Variants in PCLO observed in about 807,000 individuals in gnomAD.
PCLO encodes piccolo presynaptic cytomatrix protein, also known as protein piccolo.
A neutral mutation model predicts 427.5 loss-of-function variants in PCLO; 82 were observed. The observed-to-expected ratio is 0.19, with a 90% CI of 0.16 to 0.23. The LOEUF (loss-of-function observed/expected upper bound fraction) is 0.23, where lower values mean the gene tolerates loss of function less well. PCLO is among the 10% of genes least tolerant of loss of function. PCLO has a pLI of 1.00. For synonymous variants in PCLO, 2,357 were observed against 2,155.4 expected (o/e 1.09, Z -2.59); for missense variants, 6,239 against 6,115.9 (o/e 1.02, Z -0.67).
intron 20 of PCLO, among the ~76,000 whole-genome samples, chr7:82,809,002 T>C (rs1791512850): frequency 6.6e-6 from 1 of 151,976 alleles, no homozygotes; most frequent in Admixed American, 6.6e-5. Flanking sequence ...CGTATTTTAA[T>C]ATATCTTTTC....
rs535025258 is a variant in PCLO at position 82,955,330 on chromosome 7, C to T, written c.5623G>A (p.Glu1875Lys). 1.7e-4 allele frequency: 275 copies of T among 1,613,372 alleles called. 4 individuals carry two copies. In the South Asian group the frequency reaches 2.9e-3, roughly 17 times the overall value. ...SDPEGFEISPEKIIEVQKVYK... is the reference protein window; with the variant it reads ...SDPEGFEISPKKIIEVQKVYK... The stretch of plus-strand genomic sequence containing the variant: ...ACTTTTTGTACTTCTATTATTTTTT[C>T]CGGGCTTATTTCAAAACCTTCTGGG... Residue 1875 changes from glutamate (E) to lysine (K), a missense_variant, in exon 5 of 25, where the codon GAA becomes AAA. Physicochemically the swap from Glu to Lys is moderately conservative, Grantham distance 56. Around this residue, in one of 5 missense-constraint regions of PCLO, gnomAD observed 4,677 missense variants for 4,468.4 expected, o/e 1.05. Coordinates refer to ENST00000333891, the MANE Select transcript of PCLO (RefSeq NM_033026.6).
chr7:82,938,563 G>C (rs1277631279), intron 6 of PCLO, among the ~76,000 whole-genome samples: 1 of 151,772 alleles, frequency 6.6e-6, no homozygotes, highest in South Asian at 2.1e-4. Context: ...CTCTTAGCTA[G>C]GTTGAAAAAA....
chr7:82,902,912 A>G (rs1035927510), intron 8 of PCLO, among the ~76,000 whole-genome samples, 171 bp from the exon 9 acceptor site: 11 of 152,058 alleles, frequency 7.2e-5, no homozygotes, highest in African/African-American at 2.4e-4. Context: ...ATATAATGAT[A>G]TTACTGGTTC....
At chr7:82,831,345 T>C (rs1193845604) in intron 16 of PCLO, among the ~76,000 whole-genome samples, 1 of 152,142 alleles carries the variant, frequency 6.6e-6, no homozygotes, top group Non-Finnish European at 1.5e-5. Flanking sequence ...GTGACATCCA[T>C]CTATTTTCTT....
intron 3 of PCLO, among the ~76,000 whole-genome samples, chr7:83,054,621 G>A (rs554659578): frequency 6.6e-6 from 1 of 152,114 alleles, no homozygotes; most frequent in Non-Finnish European, 1.5e-5. Context: ...TTGAGTGGCT[G>A]AACAACAATC....
intron 20 of PCLO, chr7:82,821,977 T>G: frequency 1.0e-6 from 1 of 986,136 alleles, no homozygotes; most frequent in Non-Finnish European, 1.2e-6. Context: ...TGAAATGGCT[T>G]TTCCTCCAAG....
At position 82,914,773 on chromosome 7, in the gene PCLO, T is replaced by A. The variant is rs369948057; in HGVS notation, c.13213A>T (p.Met4405Leu). The A allele has an allele frequency of 6.2e-7, 1 of 1,613,426 alleles. No individual in the cohort carries two copies. The highest frequency in any genetic ancestry group is 8.5e-7 in the Non-Finnish European group (1 of 1,179,690). ...SHSLPEVQQH[M>L]REESRTRGYD... ...CCTCGAGTCCGTGATTCTTCCCTCA[T>A]GTGTTGCTGAACTTCAGGCAATGAG... Residue 4405 changes from methionine (M) to leucine (L), a missense_variant, in exon 7 of 25, where the codon ATG (methionine) becomes TTG (leucine). Around this residue, in one of 5 missense-constraint regions of PCLO, gnomAD observed 877 missense variants for 925.5 expected, o/e 0.95. Coordinates refer to ENST00000333891, the MANE Select transcript of PCLO (RefSeq NM_033026.6).
intron 14 of PCLO, among the ~76,000 whole-genome samples, chr7:82,838,977 T>A (rs556342877): frequency 6.6e-6 from 1 of 152,222 alleles, no homozygotes; most frequent in Non-Finnish European, 1.5e-5. Flanking sequence ...GAGACATTGC[T>A]TTATAGATGC....
chr7:82,907,338 C>T (rs1358996094), intron 8 of PCLO, among the ~76,000 whole-genome samples: 2 of 151,866 alleles, frequency 1.3e-5, no homozygotes, highest in African/African-American at 4.8e-5. Context: ...GTGGGAAACA[C>T]TAAACTTCAG....
intron 20 of PCLO, 81 bp from the exon 21 acceptor site, chr7:82,805,910 C>T: frequency 7.4e-7 from 1 of 1,354,842 alleles, no homozygotes; most frequent in Non-Finnish European, 1.0e-6. Flanking sequence ...TATACATCTT[C>T]TTAATTTACA....
intron 3 of PCLO, among the ~76,000 whole-genome samples, chr7:82,993,147 A>G (rs957621571): frequency 1.2e-4 from 18 of 151,996 alleles, no homozygotes; most frequent in African/African-American, 4.3e-4. Flanking sequence ...TTGTACCTTT[A>G]TAATTCTATA....
Position 82,955,025 on chromosome 7 carries a change from C to T in PCLO, c.5928G>A (p.Arg1976=). The T allele has an allele frequency of 6.2e-7, 1 of 1,613,766 alleles. No homozygotes were observed. Among genetic ancestry groups the T allele is most frequent in the Non-Finnish European group, 8.5e-7 (1 of 1,179,854 alleles). Residue 1976 remains arginine, a synonymous_variant, in exon 5 of 25, where the codon AGG becomes AGA. Coordinates refer to ENST00000333891, the MANE Select transcript of PCLO (RefSeq NM_033026.6). ...GCATAAATCCATTTTCTTCTTCTTG[C>T]CTTGTTAGCAGACTGCCATCTACCG... The part of the protein sequence containing the change: ...NGSVDGSLLT[R]QEEENGFMQQ...
Position 82,902,187 on chromosome 7 carries a change from CAAT to C in PCLO, c.13528+461_13528+463del, listed in dbSNP as rs1287091650. On this transcript the variant is annotated intron_variant, in intron 9 of 24. Coordinates refer to ENST00000333891, the MANE Select transcript of PCLO (RefSeq NM_033026.6). ...ACTTGGAACCAAGCCAAATGTCCAA[CAAT>C]GATAGACTGGATTAAGAAAATGTGG... Among the ~76,000 whole-genome samples the C allele has an allele frequency of 2.5e-4, 38 of 151,798 alleles. 1 individual carries two copies. Among genetic ancestry groups the C allele is most frequent in the African/African-American group, 8.5e-4 (35 of 41,300 alleles).
intron 1 of PCLO, among the ~76,000 whole-genome samples, chr7:83,159,687 A>G (rs2116704850): frequency 6.6e-6 from 1 of 152,222 alleles, no homozygotes; most frequent in East Asian, 1.9e-4. Context: ...CATCTGAGAT[A>G]ATAAAATTTT....
intron 3 of PCLO, among the ~76,000 whole-genome samples, chr7:83,002,233 TTCCA>T (rs1286906769): frequency 6.6e-6 from 1 of 151,974 alleles, no homozygotes; most frequent in Non-Finnish European, 1.5e-5. Context: ...CATTTATATT[TTCCA>T]TCCTTCTCTC....
intron 3 of PCLO, among the ~76,000 whole-genome samples, chr7:82,968,247 C>T (rs1028165337): frequency 6.6e-6 from 1 of 152,116 alleles, no homozygotes; most frequent in African/African-American, 2.4e-5. Flanking sequence ...TATATAATCA[C>T]TCAATATCAA....
intron 2 of PCLO, among the ~76,000 whole-genome samples, chr7:83,140,595 T>A (rs899046858): frequency 6.6e-6 from 1 of 152,170 alleles, no homozygotes; most frequent in Non-Finnish European, 1.5e-5. Flanking sequence ...TTAAACAAAT[T>A]AATTTAAAAT....
At position 82,951,016 on chromosome 7, in the gene PCLO, A is replaced by C. The variant is rs1163506149; in HGVS notation, c.9572T>G (p.Phe3191Cys). ...ACTTTCATCTCCCACCACTTCAGGAAACACTTCGGATGCTGTGGTTAAAGT... is the reference window on the plus strand; with the variant it reads ...ACTTTCATCTCCCACCACTTCAGGACACACTTCGGATGCTGTGGTTAAAGT... ...VPTLTTASEV[F>C]PEVVGDESAL... is the part of the protein sequence containing the mutation. The change falls in exon 6 of 25, where the codon TTT becomes TGT. Residue 3191 changes from phenylalanine (F) to cysteine (C), a missense_variant. Phe to Cys is a radical substitution (Grantham distance 205). Coordinates refer to ENST00000333891, the MANE Select transcript of PCLO (RefSeq NM_033026.6). The C allele has an allele frequency of 6.2e-7, 1 of 1,613,856 alleles. No homozygotes were observed. Among genetic ancestry groups the C allele is most frequent in the Non-Finnish European group, 8.5e-7 (1 of 1,179,826 alleles).
At chr7:83,089,801 T>C (rs888532300) in intron 3 of PCLO, among the ~76,000 whole-genome samples, 2 of 152,144 alleles carry the variant, frequency 1.3e-5, no homozygotes, top group African/African-American at 2.4e-5. Flanking sequence ...CTACATCATG[T>C]CTTGTCATCT....
Sources: allele counts gnomAD v4.1 joint callset (sites outside exome capture counted in the v4.1 genomes callset), GRCh38; gene constraint gnomAD v4.1.1; regional missense constraint gnomAD v4.1.1; transcripts MANE v1.5; gene names NCBI Gene and HGNC (gene_info 2026-07-23, HGNC 2026-07-21).